THSD4: variants seen among roughly 807,000 people sequenced by gnomAD.
The protein encoded by THSD4 is thrombospondin type 1 domain containing 4.
A neutral mutation model predicts 119.0 loss-of-function variants in THSD4; 69 were observed. That is an observed-to-expected ratio of 0.58 (90% CI 0.48 to 0.71). THSD4 has a LOEUF of 0.71. Among genes scored for constraint, THSD4 ranks in the 30% least tolerant of loss-of-function variants. THSD4 has a pLI of 0.00. For synonymous variants in THSD4, 524 were observed against 540.4 expected, an observed-to-expected ratio of 0.97 and a Z score of 0.42; for missense variants, 1,393 against 1,391.1, an observed-to-expected ratio of 1.00 and a Z score of -0.02.
intron 7 of THSD4, among the ~76,000 whole-genome samples, chr15:71,437,716 G>A (rs2047032354): frequency 6.6e-6 from 1 of 152,158 alleles, no homozygotes; most frequent in African/African-American, 2.4e-5. Context: ...TGCAATAACT[G>A]TTGGATAAAT....
chr15:71,644,160 C>G (rs1450099323), intron 7 of THSD4, among the ~76,000 whole-genome samples: 1 of 152,146 alleles, frequency 6.6e-6, no homozygotes, highest in Non-Finnish European at 1.5e-5. Flanking sequence ...CAGGCTAACA[C>G]CAGGGTCTAA....
Position 71,738,016 on chromosome 15 carries a change from G to A in THSD4, c.1906+9G>A, listed in dbSNP as rs1489224003. The A allele has an allele frequency of 8.7e-6, 14 of 1,612,850 alleles. No homozygotes were observed. The highest frequency in any genetic ancestry group is 1.2e-5 in the Non-Finnish European group (14 of 1,179,288). On this transcript the variant is annotated intron_variant, in intron 11 of 17. Coordinates refer to ENST00000261862, the MANE Select transcript of THSD4 (RefSeq NM_024817.3). ...CACGACCTGTGGGAAAGGTGAGCCTGTGTGGGGGACGGGTGGATCCCTGCA... is the reference window on the plus strand; with the variant it reads ...CACGACCTGTGGGAAAGGTGAGCCTATGTGGGGGACGGGTGGATCCCTGCA...
chr15:71,165,401 G>A (rs1426116760), intron 3 of THSD4: 17 of 1,489,676 alleles, frequency 1.1e-5, no homozygotes, highest in Admixed American at 6.7e-5. Context: ...AGCTTCTTAG[G>A]ATCTCCTTTG....
chr15:71,388,143 A>G (rs2046317845), intron 6 of THSD4, among the ~76,000 whole-genome samples: 1 of 152,236 alleles, frequency 6.6e-6, no homozygotes, highest in African/African-American at 2.4e-5. Flanking sequence ...CTTCTTTCAC[A>G]TAAATCATCC....
At chr15:71,159,775 A>T (rs2043234259) in intron 3 of THSD4, among the ~76,000 whole-genome samples, 1 of 151,604 alleles carries the variant, frequency 6.6e-6, no homozygotes, top group African/African-American at 2.4e-5. Context: ...GATGCCCTTT[A>T]TTTTTTTCTC....
In THSD4 at chr15:71,127,421, T is replaced by C. The variant is rs148977239; in HGVS notation, c.-80+11723T>C. 2.8e-3 allele frequency among the ~76,000 whole-genome samples: 423 copies of C among 152,318 alleles called. 1 individual carries two copies. The highest frequency in any genetic ancestry group is 9.6e-3 in the African/African-American group (400 of 41,568). On this transcript the variant is annotated intron_variant, in intron 1 of 17. Transcript: ENST00000261862. Reference sequence around the variant, plus strand: ...ACAAACTGATTTCAAATCTTTTGGGTAAATACCCAGAAGTGGGATTCCTAG... The same window carrying C: ...ACAAACTGATTTCAAATCTTTTGGGCAAATACCCAGAAGTGGGATTCCTAG...
At chr15:71,237,995 C>T (rs1204053370) in intron 4 of THSD4, among the ~76,000 whole-genome samples, 3 of 152,072 alleles carry the variant, frequency 2.0e-5, no homozygotes, top group Admixed American at 2.0e-4. Context: ...GGCCTGGAAC[C>T]TGGACTTAGA....
Position 71,338,916 on chromosome 15 carries a change from C to T in THSD4, c.1016-72771C>T, listed in dbSNP as rs117209070. ...ACCAGAGTTGGAGTTCTGGGGCTGTCAGTGAAGACCTGTCTGTCCTAAAGG... is the reference window on the plus strand; with the variant it reads ...ACCAGAGTTGGAGTTCTGGGGCTGTTAGTGAAGACCTGTCTGTCCTAAAGG... On this transcript the variant is annotated intron_variant, in intron 6 of 17. Transcript: ENST00000261862. 4.3e-4 allele frequency among the ~76,000 whole-genome samples: 66 copies of T among 152,284 alleles called. No homozygotes were observed. In the East Asian group the frequency reaches 0.011, roughly 26 times the overall value.
In THSD4 at chr15:71,460,822, T is replaced by C. The variant is rs867285529; in HGVS notation, c.1152+48999T>C. Among the ~76,000 whole-genome samples, 5 of 152,284 alleles carry C rather than the reference T, an allele frequency of 3.3e-5. No homozygotes were observed. The South Asian group carries it at 1.0e-3, about 32-fold the overall frequency. On this transcript the variant is annotated intron_variant, in intron 7 of 17. Coordinates refer to ENST00000261862, the MANE Select transcript of THSD4 (RefSeq NM_024817.3). ...CATTGCAGTCCTGGAAAGACAAAACTTGTATCTTCTGTATGGTTTCCTGTG... is the reference window on the plus strand; with the variant it reads ...CATTGCAGTCCTGGAAAGACAAAACCTGTATCTTCTGTATGGTTTCCTGTG...
rs555679640 is a variant in THSD4 at position 71,341,322 on chromosome 15, T to C, written c.1016-70365T>C. The C allele has an allele frequency of 3.7e-6, 6 of 1,604,498 alleles. No homozygotes were observed. In the South Asian group the frequency reaches 4.4e-5, roughly 12 times the overall value. On this transcript the variant is annotated intron_variant, in intron 6 of 17. Coordinates refer to ENST00000261862, the MANE Select transcript of THSD4 (RefSeq NM_024817.3). ...TATGGGTTAATCCGACCATGAGCTC[T>C]GTAGGTCCGGCGGTGCATCTTAGGT...
chr15:71,580,188 C>A (rs2049531980), intron 7 of THSD4, among the ~76,000 whole-genome samples: 1 of 152,038 alleles, frequency 6.6e-6, no homozygotes, highest in Non-Finnish European at 1.5e-5. Context: ...GCATGGTGAC[C>A]TGCGAGCTGG....
At chr15:71,504,322 T>C (rs1262144861) in intron 7 of THSD4, among the ~76,000 whole-genome samples, 4 of 152,330 alleles carry the variant, frequency 2.6e-5, no homozygotes, top group Admixed American at 1.3e-4. Flanking sequence ...AATGTGTGCA[T>C]GTGGGATTAA....
At chr15:71,297,320 T>TTTTG (rs1555461740) in intron 6 of THSD4, among the ~76,000 whole-genome samples, 14,495 of 148,048 alleles carry the variant, frequency 0.098, 903 homozygotes, top group South Asian at 0.25. Context: ...CTCTTCTTTT[T>TTTTG]TTTGTTTGTT....
chr15:71,770,936 A>T (rs2053811788), intron 16 of THSD4, 128 bp from the exon 17 acceptor site: 6 of 1,381,722 alleles, frequency 4.3e-6, no homozygotes, highest in Non-Finnish European at 5.9e-6. Context: ...TGATAGGTAC[A>T]TGGGAGTTTG....
intron 6 of THSD4, among the ~76,000 whole-genome samples, chr15:71,381,613 C>T (rs1035792404): frequency 4.6e-5 from 7 of 152,060 alleles, no homozygotes; most frequent in African/African-American, 1.2e-4. Flanking sequence ...TTTGGATTAT[C>T]GATAGTTGAC....
intron 6 of THSD4, among the ~76,000 whole-genome samples, chr15:71,286,865 T>C (rs1222469463): frequency 1.3e-5 from 2 of 152,220 alleles, no homozygotes; most frequent in Non-Finnish European, 2.9e-5. Context: ...TGAGTTGGTG[T>C]CTCATTGTGG....
intron 7 of THSD4, among the ~76,000 whole-genome samples, chr15:71,610,251 G>C (rs1487767072): frequency 3.3e-5 from 5 of 152,202 alleles, no homozygotes; most frequent in Non-Finnish European, 7.3e-5. Context: ...TGCCCAGTGA[G>C]ATGTGTCATG....
At chr15:71,586,315 G>C (rs140493315) in intron 7 of THSD4, among the ~76,000 whole-genome samples, 90 of 152,220 alleles carry the variant, frequency 5.9e-4, no homozygotes, top group African/African-American at 2.2e-3. Flanking sequence ...AATTTCTATA[G>C]GTCAGAAGTC....
chr15:71,497,739 A>C (rs915828501), intron 7 of THSD4, among the ~76,000 whole-genome samples: 1 of 152,150 alleles, frequency 6.6e-6, no homozygotes, highest in East Asian at 1.9e-4. Flanking sequence ...AGACCACTGT[A>C]GTCTCTGTTA....
Sources: gnomAD v4.1 joint callset for allele counts (sites outside exome capture counted in the v4.1 genomes callset) on GRCh38, gnomAD v4.1.1 for gene constraint, MANE v1.5 for transcripts, NCBI Gene and HGNC (gene_info 2026-07-23, HGNC 2026-07-21) for gene names.